The following RNF213 variants were observed in gnomAD, a reference collection of about 807,000 sequenced individuals.
RNF213 encodes E3 ubiquitin-protein ligase RNF213.
A neutral mutation model predicts 514.4 loss-of-function variants in RNF213; 341 were observed. The ratio of observed to expected loss-of-function variants is 0.66; its 90% CI spans 0.61 to 0.73. RNF213 has a LOEUF of 0.73. RNF213 is among the 30% of genes least tolerant of loss of function. The pLI is 0.00. For missense variants in RNF213, 5,767 were observed against 6,615.6 expected (o/e 0.87, Z 4.45); for synonymous variants, 2,655 against 2,658.2 (o/e 1.00, Z 0.04).
In RNF213 at chr17:80,300,822, G is replaced by A. The variant is rs192106754; in HGVS notation, c.2210+2304G>A. Reference sequence around the variant, plus strand: ...CCACCTTGGCCTCCCAAAGTGCTGGGATTGCATGTGTGAGCCACCATGCCC... The same window carrying A: ...CCACCTTGGCCTCCCAAAGTGCTGGAATTGCATGTGTGAGCCACCATGCCC... On this transcript the variant is annotated intron_variant, in intron 11 of 67. Coordinates refer to ENST00000582970, the MANE Select transcript of RNF213 (RefSeq NM_001256071.3). 1.5e-3 allele frequency among the ~76,000 whole-genome samples: 232 copies of A among 152,276 alleles called. 1 individual carries two copies. In the South Asian group the frequency reaches 0.018, roughly 12 times the overall value.
intron 15 of RNF213, among the ~76,000 whole-genome samples, chr17:80,314,338 T>TGAA (rs2045753449): frequency 2.3e-4 from 4 of 17,592 alleles, no homozygotes; most frequent in Non-Finnish European, 4.3e-4. Context: ...ATGGTGGTGG[T>TGAA]GGTGGTGGTG....
chr17:80,278,102 TC>T (rs577663484), intron 3 of RNF213, among the ~76,000 whole-genome samples: 4 of 152,318 alleles, frequency 2.6e-5, no homozygotes, highest in African/African-American at 9.6e-5. Flanking sequence ...GGGTTGTACT[TC>T]CTGTGGTGAG....
chr17:80,381,065 G>C (rs925721869), intron 56 of RNF213, 78 bp downstream of exon 56: 2 of 1,414,268 alleles, frequency 1.4e-6, no homozygotes, highest in Admixed American at 3.3e-5. Context: ...CTTTTGTCTT[G>C]AGTCCTAGCT....
At chr17:80,297,633 A>G (rs2045006614) in intron 10 of RNF213, among the ~76,000 whole-genome samples, 1 of 150,062 alleles carries the variant, frequency 6.7e-6, no homozygotes, top group South Asian at 2.1e-4. Flanking sequence ...AAAAAATACA[A>G]AAAACTAGCC....
At chr17:80,271,160 T>G (rs981668312) in intron 2 of RNF213, among the ~76,000 whole-genome samples, 12 of 151,986 alleles carry the variant, frequency 7.9e-5, no homozygotes, top group African/African-American at 2.9e-4. Flanking sequence ...AATCCCTGGT[T>G]GTAGGTGAAA....
chr17:80,324,456 C>G (rs996429007), intron 17 of RNF213, among the ~76,000 whole-genome samples: 1 of 152,182 alleles, frequency 6.6e-6, no homozygotes, highest in Admixed American at 6.5e-5. Context: ...GTTCCTTTAA[C>G]ATGGGGCTGG....
intron 67 of RNF213, among the ~76,000 whole-genome samples, chr17:80,390,907 CAAA>C: frequency 6.6e-6 from 1 of 151,842 alleles, no homozygotes; most frequent in South Asian, 2.1e-4. Flanking sequence ...ACTAAAAATA[CAAA>C]AATTAGCCAG....
intron 2 of RNF213, among the ~76,000 whole-genome samples, chr17:80,271,028 C>G (rs957538115): frequency 6.6e-6 from 1 of 152,032 alleles, no homozygotes; most frequent in Non-Finnish European, 1.5e-5. Flanking sequence ...TTGGCCCTTC[C>G]CTTAGTCAAT....
chr17:80,319,454 GC>G (rs1233358530), intron 17 of RNF213, 142 bp downstream of exon 17: 1 of 1,614,032 alleles, frequency 6.2e-7, no homozygotes, highest in East Asian at 2.2e-5. Context: ...CTCCTCCCTC[GC>G]CAAGGGCAAT....
chr17:80,307,519 C>T (rs1026653081), intron 13 of RNF213, among the ~76,000 whole-genome samples: 2 of 148,630 alleles, frequency 1.3e-5, no homozygotes, highest in Non-Finnish European at 1.5e-5. Context: ...CACCCCACCA[C>T]GCCCAGCTAA....
At position 80,337,404 on chromosome 17, in the gene RNF213, ATGT is replaced by A. The variant is rs576361705; in HGVS notation, c.4528-178_4528-176del. 5.9e-4 allele frequency: 402 copies of A among 681,052 alleles called. 1 individual carries two copies. The East Asian group carries it at 0.01, about 18-fold the overall frequency. The allele number at this position is 681,052 out of a possible 1,614,324, so 42.2% of individuals were successfully genotyped here. A position where few individuals can be genotyped will look rare whatever the true frequency, so the allele number is the denominator to read the frequency against. ...ACAAAGCAGCACTGAGTGACAGATC[ATGT>A]TGTCAGGGTGGCACCTGGTCCAGCT... On this transcript the variant is annotated intron_variant, in intron 23 of 67. Coordinates refer to ENST00000582970, the MANE Select transcript of RNF213 (RefSeq NM_001256071.3).
In RNF213 at chr17:80,353,968, G is replaced by A. The variant is rs756381121; in HGVS notation, c.10579-51G>A. The A allele has an allele frequency of 1.2e-6, 2 of 1,610,438 alleles. No individual in the cohort carries two copies. Among genetic ancestry groups the A allele is most frequent in the African/African-American group, 1.3e-5 (1 of 74,958 alleles). On this transcript the variant is annotated intron_variant, in intron 34 of 67. Transcript: ENST00000582970. The surrounding 1 kb of genome is among the most constrained non-coding windows in gnomAD (Gnocchi z 5.0). Reference sequence around the variant, plus strand: ...ATCGCATACGGGCGGTTTGGCTTTTGCCCACTGTGTCAGTGGCAGAAACGG... The same window carrying A: ...ATCGCATACGGGCGGTTTGGCTTTTACCCACTGTGTCAGTGGCAGAAACGG...
At chr17:80,290,397 G>C (rs1373149537) in intron 6 of RNF213, among the ~76,000 whole-genome samples, 173 bp from the exon 7 acceptor site, 6 of 145,594 alleles carry the variant, frequency 4.1e-5, no homozygotes, top group African/African-American at 1.6e-4. Flanking sequence ...GTGCGTGTAC[G>C]TGTGCTTGTG....
At position 80,398,295 on chromosome 17, in the gene RNF213, T is replaced by A. The variant is rs2080701387; in HGVS notation, c.*4797T>A. The A allele has an allele frequency of 6.6e-6, 1 of 152,272 alleles. No homozygotes were observed. The highest frequency in any genetic ancestry group is 2.1e-4 in the South Asian group (1 of 4,820). 9.4% of individuals were successfully genotyped at this position (152,272 alleles called of 1,614,324 possible). Reference sequence around the variant, plus strand: ...CCTGTTCTTTGTTTTGTGGTATGCGTGTAGGGTGAGCGTAATGTTTTGTCT... The same window carrying A: ...CCTGTTCTTTGTTTTGTGGTATGCGAGTAGGGTGAGCGTAATGTTTTGTCT... On this transcript the variant is annotated 3_prime_UTR_variant, in exon 68 of 68. Transcript: ENST00000582970.
At chr17:80,390,293 C>A in intron 67 of RNF213, 97 bp downstream of exon 67, 1 of 1,376,912 alleles carries the variant, frequency 7.3e-7, no homozygotes, top group Non-Finnish European at 1.0e-6. Flanking sequence ...TTTCTTACCA[C>A]AGAATCCCAT....
intron 36 of RNF213, chr17:80,355,220 G>T (rs2078688817): frequency 2.2e-6 from 1 of 455,938 alleles, no homozygotes; most frequent in Non-Finnish European, 4.4e-6. Flanking sequence ...ACTCCTCCAT[G>T]AGTCCCCTTC....
rs532058954 is a variant in RNF213, at chr17:80,370,463, G to A, written c.12425+596G>A. On this transcript the variant is annotated intron_variant, in intron 46 of 67. Transcript: ENST00000582970. ...TTTGCCCTTTTTTAAAAAACATGTT[G>A]ATACTTATGATGATGTTACAAAAAG... Among the ~76,000 whole-genome samples, 3 of 152,322 alleles carry A rather than the reference G, an allele frequency of 2.0e-5. No homozygotes were observed. In the South Asian group the frequency reaches 6.2e-4, roughly 32 times the overall value.
chr17:80,387,680 T>G (rs563978088), intron 63 of RNF213, among the ~76,000 whole-genome samples: 82 of 152,310 alleles, frequency 5.4e-4, no homozygotes, highest in Non-Finnish European at 9.6e-4. Context: ...CTGCCTGGCC[T>G]CTCATGGCAT....
intron 56 of RNF213, chr17:80,381,221 T>A: frequency 1.6e-6 from 1 of 614,666 alleles, no homozygotes; most frequent in Non-Finnish European, 2.9e-6. Flanking sequence ...ACTCTGTGTC[T>A]CTGGTCCACA....
Sources: gnomAD v4.1 joint callset for allele counts (sites outside exome capture counted in the v4.1 genomes callset) on GRCh38, gnomAD v4.1.1 for gene constraint, Gnocchi (gnomAD v3.1) non-coding constraint, MANE v1.5 for transcripts, NCBI Gene and HGNC (gene_info 2026-07-23, HGNC 2026-07-21) for gene names.